The following OTUD4 variants were observed in gnomAD, a reference collection of about 807,000 sequenced individuals.
OTUD4 encodes the protein OTU deubiquitinase 4.
In OTUD4, 24 loss-of-function variants were observed where a neutral mutation model predicts 130.4. The ratio of observed to expected loss-of-function variants is 0.18; its 90% CI spans 0.13 to 0.26. The LOEUF (loss-of-function observed/expected upper bound fraction) is 0.26. Among genes scored for constraint, OTUD4 ranks in the 10% least tolerant of loss-of-function variants. The pLI, the probability that OTUD4 is intolerant of heterozygous loss-of-function variation, is 1.00. For missense variants in OTUD4, 1,031 were observed against 1,329.4 expected (o/e 0.78, Z 3.49); for synonymous variants, 420 against 472.5 (o/e 0.89, Z 1.44).
At chr4:145,153,159 A>G (rs1228494742) in intron 10 of OTUD4, among the ~76,000 whole-genome samples, 4 of 152,222 alleles carry the variant, frequency 2.6e-5, no homozygotes, top group African/African-American at 7.2e-5. Flanking sequence ...CCTACCTAAA[A>G]GAAAGAAAAC....
At chr4:145,156,314 T>C (rs1751288091) in intron 7 of OTUD4, among the ~76,000 whole-genome samples, 1 of 152,164 alleles carries the variant, frequency 6.6e-6, no homozygotes, top group African/African-American at 2.4e-5. Context: ...AATATACACA[T>C]GAGGCCCCGT....
In OTUD4 at chr4:145,136,584, A is replaced by C. The variant is rs1469609827; in HGVS notation, c.*846T>G. The C allele has an allele frequency of 2.6e-5, 4 of 151,712 alleles. No individual in the cohort carries two copies. In the East Asian group the frequency reaches 7.8e-4, roughly 30 times the overall value. 9.4% of individuals were successfully genotyped at this position (151,712 alleles called of 1,614,324 possible). ...ATTAGTGTTAAAGTGGCATTAAAAA[A>C]ACTTCTGCAGTTCTAACTGATGCAG... On this transcript the variant is annotated 3_prime_UTR_variant, in exon 21 of 21. Coordinates refer to ENST00000447906, the MANE Select transcript of OTUD4 (RefSeq NM_001366057.1).
intron 14 of OTUD4, among the ~76,000 whole-genome samples, 154 bp from the exon 15 acceptor site, chr4:145,144,588 G>T (rs1191083367): frequency 1.3e-5 from 2 of 152,028 alleles, no homozygotes; most frequent in Non-Finnish European, 2.9e-5. Context: ...AGAATCTAGG[G>T]TCCATAATTA....
intron 10 of OTUD4, among the ~76,000 whole-genome samples, chr4:145,153,226 A>T (rs933050757): frequency 2.0e-5 from 3 of 152,206 alleles, no homozygotes; most frequent in African/African-American, 7.2e-5. Flanking sequence ...AAATTGTTCA[A>T]AAAGTAGGAG....
chr4:145,157,744 T>C (rs1309361745), intron 7 of OTUD4, among the ~76,000 whole-genome samples: 1 of 150,500 alleles, frequency 6.6e-6, no homozygotes, highest in African/African-American at 2.4e-5. Context: ...TAATCCACAT[T>C]CCAAGGACAA....
At chr4:145,159,468 G>A in intron 7 of OTUD4, 35 bp downstream of exon 7, 1 of 1,610,124 alleles carries the variant, frequency 6.2e-7, no homozygotes, top group Non-Finnish European at 8.5e-7. Context: ...TCCTTGTATG[G>A]CACTAAGAAA....
At chr4:145,148,953 T>C (rs931817105) in intron 13 of OTUD4, among the ~76,000 whole-genome samples, 4 of 152,224 alleles carry the variant, frequency 2.6e-5, no homozygotes, top group Non-Finnish European at 4.4e-5. Context: ...GCATAAATTC[T>C]GTCTGTTTGG....
rs1247482516 is a variant in OTUD4, at chr4:145,152,551, G to A, written c.958C>T (p.Leu320=). 8 of 1,589,582 alleles carry A rather than the reference G, an allele frequency of 5.0e-6. No individual in the cohort carries two copies. In the Admixed American group the frequency reaches 1.3e-4, roughly 27 times the overall value. ...SENGPVLVEE[L]GKKHTSKNLK... ...AAGAGTAGTACATACTTCTTTCCCA[G>A]TTCTTCAACCAAAACTGGTCCATTC... The change falls in exon 11 of 21, where the codon CTG becomes TTG. Residue 320 remains leucine, a synonymous_variant. Coordinates refer to ENST00000447906, the MANE Select transcript of OTUD4 (RefSeq NM_001366057.1).
At chr4:145,155,538 A>G in intron 9 of OTUD4, 31 bp downstream of exon 9, 1 of 1,599,946 alleles carries the variant, frequency 6.3e-7, no homozygotes, top group South Asian at 1.1e-5. Context: ...CTACAAAGCA[A>G]ATTTATGGAA....
At chr4:145,165,224 G>T (rs1048355633) in intron 3 of OTUD4, 27 bp from the exon 4 acceptor site, 9 of 1,554,598 alleles carry the variant, frequency 5.8e-6, no homozygotes, top group East Asian at 2.2e-5. Flanking sequence ...AAGGTGGCAT[G>T]TAAGTGTCTC....
chr4:145,160,090 A>T (rs559655857), intron 6 of OTUD4, among the ~76,000 whole-genome samples: 1 of 152,228 alleles, frequency 6.6e-6, no homozygotes, highest in East Asian at 1.9e-4. Flanking sequence ...GCCCAATCTT[A>T]AGAGACTTAG....
rs1472911584 is a variant in OTUD4, at chr4:145,179,977, G to T, written c.-4C>A. 3 of 1,504,744 alleles carry T rather than the reference G, an allele frequency of 2.0e-6. No individual in the cohort carries two copies. Among genetic ancestry groups the T allele is most frequent in the Non-Finnish European group, 2.6e-6 (3 of 1,135,482 alleles). 93.2% of individuals were successfully genotyped at this position (1,504,744 alleles called of 1,614,324 possible). On this transcript the variant is annotated 5_prime_UTR_variant, in exon 1 of 21. Transcript: ENST00000447906. ...GGACGCCGACGGCAGCCTCCATGTT[G>T]CTGGTCCTGCTGCAGGCCAGGCGCG...
At chr4:145,149,213 T>G (rs1560983175) in intron 13 of OTUD4, among the ~76,000 whole-genome samples, 1 of 151,966 alleles carries the variant, frequency 6.6e-6, no homozygotes, top group African/African-American at 2.4e-5. Context: ...CATGTGATGA[T>G]GGAAGCAAAG....
intron 7 of OTUD4, among the ~76,000 whole-genome samples, chr4:145,158,177 C>A (rs1196549727): frequency 1.3e-5 from 2 of 152,110 alleles, no homozygotes; most frequent in African/African-American, 2.4e-5. Flanking sequence ...CAATAAATAC[C>A]TGGAATTACA....
rs1436960144 is a variant in OTUD4 at position 145,180,016 on chromosome 4, C to G, written c.-43G>C. ...AGGCCAGGCGCGGCGAGGGCTAGCC[C>G]CACATGGCCAGGCCGCCGGCTGCTC... On this transcript the variant is annotated 5_prime_UTR_variant, in exon 1 of 21. Transcript: ENST00000447906. 7.4e-7 allele frequency: 1 copy of G among 1,353,892 alleles called. No individual in the cohort carries two copies. Among genetic ancestry groups the G allele is most frequent in the South Asian group, 1.7e-5 (1 of 57,212 alleles). The allele number at this position is 1,353,892 out of a possible 1,614,324, so 83.9% of individuals were successfully genotyped here. A position where few individuals can be genotyped will look rare whatever the true frequency, so the allele number is the denominator to read the frequency against.
chr4:145,168,887 G>A (rs1490331164), intron 3 of OTUD4, among the ~76,000 whole-genome samples: 2 of 152,216 alleles, frequency 1.3e-5, no homozygotes, highest in East Asian at 3.8e-4. Context: ...ACCCAGAACT[G>A]TAAAGAACTT....
intron 2 of OTUD4, 71 bp from the exon 3 acceptor site, chr4:145,171,791 A>C: frequency 1.3e-6 from 1 of 764,840 alleles, no homozygotes; most frequent in Non-Finnish European, 2.4e-6. Context: ...TTCGCTGTGT[A>C]AACATTCACT....
At chr4:145,159,752 T>C (rs541134171) in intron 6 of OTUD4, 117 bp from the exon 7 acceptor site, 1 of 923,262 alleles carries the variant, frequency 1.1e-6, no homozygotes, top group East Asian at 2.5e-5. Context: ...CCTGACTAGA[T>C]ATCTGCTAAA....
chr4:145,180,051 G>T lies in OTUD4; in HGVS notation c.-78C>A, dbSNP rs1752621307. The T allele has an allele frequency of 2.5e-5, 29 of 1,168,928 alleles. No homozygotes were observed. The highest frequency in any genetic ancestry group is 3.0e-5 in the Non-Finnish European group (28 of 939,426). The allele number at this position is 1,168,928 out of a possible 1,614,324, so 72.4% of individuals were successfully genotyped here. Reference sequence around the variant, plus strand: ...AGGCCGCCGGCTGCTCGACGCCCCGGCCTGGGGCAGGCGGCGGCTCGGGCT... The same window carrying T: ...AGGCCGCCGGCTGCTCGACGCCCCGTCCTGGGGCAGGCGGCGGCTCGGGCT... On this transcript the variant is annotated 5_prime_UTR_variant, in exon 1 of 21. Coordinates refer to ENST00000447906, the MANE Select transcript of OTUD4 (RefSeq NM_001366057.1).
Sources: allele counts gnomAD v4.1 joint callset (sites outside exome capture counted in the v4.1 genomes callset), GRCh38; gene constraint gnomAD v4.1.1; transcripts MANE v1.5; gene names NCBI Gene and HGNC (gene_info 2026-07-23, HGNC 2026-07-21).